RABGAP1: variants seen among roughly 807,000 people sequenced by gnomAD.
RABGAP1 encodes the protein RAB GTPase activating protein 1.
In RABGAP1, 23 loss-of-function variants were observed where a neutral mutation model predicts 137.6. The observed-to-expected ratio is 0.17, with a 90% CI of 0.12 to 0.24. The LOEUF (loss-of-function observed/expected upper bound fraction) is 0.24, where lower values mean the gene tolerates loss of function less well. Ranked by LOEUF, RABGAP1 falls within the 10% of genes least tolerant of loss-of-function variation. RABGAP1 has a pLI of 1.00. For missense variants in RABGAP1, 906 were observed against 1,275.8 expected, an observed-to-expected ratio of 0.71 and a Z score of 4.42; for synonymous variants, 451 against 450.7, an observed-to-expected ratio of 1.00 and a Z score of -0.01.
rs1454051553 is a variant in RABGAP1, at chr9:122,998,768, T to TA, written c.1374+3dup. The TA allele has an allele frequency of 6.4e-7, 1 of 1,561,396 alleles. No homozygotes were observed. The highest frequency in any genetic ancestry group is 8.8e-7 in the Non-Finnish European group (1 of 1,141,564). The stretch of plus-strand genomic sequence containing the variant: ...AATTTCTTTTTGAAACTAAAACAGG[T>TA]ACTGTATTTTTCTATTAATATAGAA... On this transcript the variant is annotated splice_region_variant and intron_variant, in intron 10 of 25. Transcript: ENST00000373647.
chr9:122,958,556 C>A (rs1190247648), intron 2 of RABGAP1, among the ~76,000 whole-genome samples: 1 of 151,710 alleles, frequency 6.6e-6, no homozygotes, highest in East Asian at 1.9e-4. Context: ...GTGGGGGGAG[C>A]AGGGAGGGAT....
intron 12 of RABGAP1, among the ~76,000 whole-genome samples, chr9:123,017,627 G>A (rs959126337): frequency 1.3e-5 from 2 of 152,158 alleles, no homozygotes; most frequent in African/African-American, 2.4e-5. Flanking sequence ...TCTTAGACAA[G>A]TCACTTAACT....
At position 123,039,082 on chromosome 9, in the gene RABGAP1, A is replaced by G. The variant is rs1192144338; in HGVS notation, c.1794+18623A>G. ...AATTGTAAAGTGCTTTGCAAATAAA[A>G]ATCATTACTGTTATTTGTATCTGCC... On this transcript the variant is annotated intron_variant, in intron 13 of 25. Coordinates refer to ENST00000373647, the MANE Select transcript of RABGAP1 (RefSeq NM_012197.4). 2.0e-5 allele frequency among the ~76,000 whole-genome samples: 3 copies of G among 152,154 alleles called. No individual in the cohort carries two copies. In the East Asian group the frequency reaches 5.8e-4, roughly 29 times the overall value.
At chr9:123,089,498 G>A (rs1364874428) in intron 19 of RABGAP1, 3 of 369,224 alleles carry the variant, frequency 8.1e-6, no homozygotes, top group Admixed American at 3.9e-5. Context: ...AGGAGGAGCC[G>A]TCTGTAGGGT....
chr9:123,051,560 A>G (rs1344854995), intron 13 of RABGAP1, among the ~76,000 whole-genome samples: 1 of 148,806 alleles, frequency 6.7e-6, no homozygotes, highest in Non-Finnish European at 1.5e-5. Flanking sequence ...CCTTGGTTTT[A>G]TGTTTAAGAG....
At chr9:123,079,141 G>A (rs961616833) in intron 19 of RABGAP1, among the ~76,000 whole-genome samples, 41 of 151,722 alleles carry the variant, frequency 2.7e-4, no homozygotes, top group African/African-American at 7.3e-4. Context: ...GCCTCACTGT[G>A]CTACAGTTTA....
At chr9:123,029,052 C>T (rs934575353) in intron 13 of RABGAP1, among the ~76,000 whole-genome samples, 9 of 152,044 alleles carry the variant, frequency 5.9e-5, no homozygotes, top group African/African-American at 2.2e-4. Flanking sequence ...CAGCGAGACC[C>T]GTTAATAATT....
At chr9:123,098,996 T>TTTG (rs1366870113) in intron 23 of RABGAP1, among the ~76,000 whole-genome samples, 198 bp downstream of exon 23, 6 of 152,040 alleles carry the variant, frequency 3.9e-5, no homozygotes, top group Non-Finnish European at 8.8e-5. Context: ...AGGAAGGTTG[T>TTTG]TACGAGGATT....
chr9:122,954,310 A>T (rs182540932), intron 1 of RABGAP1, among the ~76,000 whole-genome samples: 1 of 152,202 alleles, frequency 6.6e-6, no homozygotes, highest in African/African-American at 2.4e-5. Flanking sequence ...ACTTCTGTCT[A>T]TGGAGGCCAG....
At chr9:122,958,434 G>C (rs112803131) in intron 2 of RABGAP1, among the ~76,000 whole-genome samples, 6 of 152,234 alleles carry the variant, frequency 3.9e-5, no homozygotes, top group African/African-American at 1.4e-4. Context: ...CAGGATATGT[G>C]GATAAACAGT....
At chr9:123,028,455 G>A (rs964976321) in intron 13 of RABGAP1, among the ~76,000 whole-genome samples, 2 of 152,178 alleles carry the variant, frequency 1.3e-5, no homozygotes, top group Admixed American at 6.5e-5. Flanking sequence ...ATGACATGAA[G>A]GATTTCTCAC....
intron 15 of RABGAP1, 120 bp from the exon 16 acceptor site, chr9:123,073,432 C>G (rs2034418785): frequency 1.5e-6 from 2 of 1,305,682 alleles, no homozygotes; most frequent in East Asian, 2.3e-5. Flanking sequence ...CTGCATAGCA[C>G]TAAATTTTCT....
chr9:122,989,204 T>C, intron 4 of RABGAP1, 93 bp from the exon 5 acceptor site: 1 of 1,154,542 alleles, frequency 8.7e-7, no homozygotes, highest in South Asian at 1.3e-5. Flanking sequence ...TATGATCTTC[T>C]TACTAGAAAG....
chr9:123,095,885 CTGTTA>C (rs2035169584), intron 21 of RABGAP1, among the ~76,000 whole-genome samples: 1 of 152,186 alleles, frequency 6.6e-6, no homozygotes, highest in Admixed American at 6.5e-5. Context: ...AGAAACTTTT[CTGTTA>C]TTTTTCATTT....
chr9:123,047,254 C>T (rs907819469), intron 13 of RABGAP1, among the ~76,000 whole-genome samples: 2 of 151,964 alleles, frequency 1.3e-5, no homozygotes, highest in African/African-American at 2.4e-5. Flanking sequence ...AATGTTTGTT[C>T]GAGGAGGTAA....
rs1420035703 is a variant in RABGAP1, at chr9:123,099,537, T to C, written c.2877T>C (p.Ile959=). 1.2e-6 allele frequency: 2 copies of C among 1,611,060 alleles called. No homozygotes were observed. Among genetic ancestry groups the C allele is most frequent in the Non-Finnish European group, 1.7e-6 (2 of 1,177,236 alleles). Residue 959 remains isoleucine (I), a synonymous_variant, in exon 24 of 26, where the codon ATT becomes ATC. Coordinates refer to ENST00000373647, the MANE Select transcript of RABGAP1 (RefSeq NM_012197.4). Reference sequence around the variant, plus strand: ...AGCAGACAGCCAATAAGGTGGAAATTGAGAAAATTCGGGTAAGACTTCTCT... The same window carrying C: ...AGCAGACAGCCAATAAGGTGGAAATCGAGAAAATTCGGGTAAGACTTCTCT... ...EKQQTANKVE[I]EKIRQKVDDC...
At chr9:123,049,174 T>C (rs1040645296) in intron 13 of RABGAP1, among the ~76,000 whole-genome samples, 1 of 143,200 alleles carries the variant, frequency 7.0e-6, no homozygotes, top group Non-Finnish European at 1.5e-5. Flanking sequence ...TCAGCTAATA[T>C]AATTCTAAAG....
At position 123,017,224 on chromosome 9, in the gene RABGAP1, A is replaced by G. The variant is rs143477323; in HGVS notation, c.1643+1588A>G. On this transcript the variant is annotated intron_variant, in intron 12 of 25. Coordinates refer to ENST00000373647, the MANE Select transcript of RABGAP1 (RefSeq NM_012197.4). ...AATTGAGTTTTGACATGGTTACATA[A>G]TATATTTAAAATCATGTAGATATAG... Among the ~76,000 whole-genome samples the G allele has an allele frequency of 2.1e-3, 320 of 152,328 alleles. 3 individuals are homozygous for G. The highest frequency in any genetic ancestry group is 0.017 in the Middle Eastern group (5 of 294).
chr9:123,051,340 C>T (rs375215318), intron 13 of RABGAP1, among the ~76,000 whole-genome samples: 1 of 143,056 alleles, frequency 7.0e-6, no homozygotes, highest in Admixed American at 7.4e-5. Flanking sequence ...CTCCGCCTCC[C>T]AGGTTTAAGG....
Sources: allele counts gnomAD v4.1 joint callset (sites outside exome capture counted in the v4.1 genomes callset), GRCh38; gene constraint gnomAD v4.1.1; transcripts MANE v1.5; gene names NCBI Gene and HGNC (gene_info 2026-07-23, HGNC 2026-07-21).